Variants in SH2D3A observed in about 807,000 individuals in gnomAD.
SH2D3A encodes the protein SH2 domain containing 3A, also known as SH2 domain-containing protein 3A.
Under a neutral mutation model 50.6 loss-of-function variants are expected in SH2D3A, and 46 were observed. The ratio of observed to expected loss-of-function variants is 0.91; its 90% confidence interval spans 0.72 to 1.16. The LOEUF (loss-of-function observed/expected upper bound fraction) is 1.16, where lower values mean the gene tolerates loss of function less well. SH2D3A is among the 50% of genes most tolerant of loss of function. SH2D3A has a pLI of 0.00. For missense variants in SH2D3A, 783 were observed against 786.2 expected (o/e 1.00, Z 0.05); for synonymous variants, 377 against 348.4 (o/e 1.08, Z -0.91).
rs771694820 is a variant in SH2D3A at position 6,754,143 on chromosome 19, C to T, written c.1293G>A (p.Thr431=). The change falls in exon 8 of 10, where the codon ACG becomes ACA. Residue 431 remains threonine (T), a synonymous_variant. Coordinates refer to ENST00000245908, the MANE Select transcript of SH2D3A (RefSeq NM_005490.3). ...TGTGGCTCCTTCGGAGCTGGCGCCA[C>T]GTGTGCTCCAACCGGGACACCTGGG... ...LMPQVSRLEH[T]WRQLRRSHTE... 6.8e-6 allele frequency: 11 copies of T among 1,613,364 alleles called. No individual in the cohort carries two copies. The highest frequency in any genetic ancestry group is 9.3e-6 in the Non-Finnish European group (11 of 1,179,778).
At chr19:6,760,584 G>T in intron 3 of SH2D3A, 54 bp downstream of exon 3, 2 of 1,406,130 alleles carry the variant, frequency 1.4e-6, no homozygotes, top group Non-Finnish European at 9.5e-7. Context: ...CCATTGAGTT[G>T]GAAAACCCTG....
chr19:6,754,471 T>C, intron 6 of SH2D3A, 46 bp from the exon 7 acceptor site: 1 of 1,533,316 alleles, frequency 6.5e-7, no homozygotes, highest in Non-Finnish European at 8.7e-7. Context: ...GGGAGGTTTG[T>C]AATGCAGGGG....
At position 6,760,715 on chromosome 19, in the gene SH2D3A, C is replaced by T; in HGVS notation, c.342G>A (p.Val114=). The T allele has an allele frequency of 6.2e-7, 1 of 1,613,928 alleles. No homozygotes were observed. The highest frequency in any genetic ancestry group is 8.5e-7 in the Non-Finnish European group (1 of 1,179,814). Residue 114 remains valine (V), a synonymous_variant, in exon 3 of 10, where the codon GTG becomes GTA. Coordinates refer to ENST00000245908, the MANE Select transcript of SH2D3A (RefSeq NM_005490.3). ...QATGAVVSRP[V]TWQGPLRRSF... ...TGCGTCGCAGAGGCCCCTGCCAAGT[C>T]ACAGGCCTGGAGACCACAGCCCCTG...
At position 6,763,825 on chromosome 19, in the gene SH2D3A, G is replaced by A; in HGVS notation, c.-68-9C>T. On this transcript the variant is annotated splice_polypyrimidine_tract_variant and intron_variant, in intron 1 of 9. Coordinates refer to ENST00000245908, the MANE Select transcript of SH2D3A (RefSeq NM_005490.3). ...GCCTCAGTCTTCCACATCTGTAAAA[G>A]GGGAATAATTAGCCCTGCTTGAGTG... 1.6e-6 allele frequency: 2 copies of A among 1,220,734 alleles called. No homozygotes were observed. The highest frequency in any genetic ancestry group is 2.4e-6 in the Non-Finnish European group (2 of 849,874). 75.6% of individuals were successfully genotyped at this position (1,220,734 alleles called of 1,614,324 possible).
intron 4 of SH2D3A, among the ~76,000 whole-genome samples, chr19:6,756,444 CT>C (rs1227661634): frequency 6.7e-6 from 1 of 150,300 alleles, no homozygotes; most frequent in Non-Finnish European, 1.5e-5. Context: ...TCTTTTTTTT[CT>C]TTTTTATTTC....
chr19:6,759,718 TC>T, intron 3 of SH2D3A, 48 bp from the exon 4 acceptor site: 1 of 1,574,524 alleles, frequency 6.4e-7, no homozygotes, highest in Non-Finnish European at 8.7e-7. Context: ...CTAAGCAGTG[TC>T]CCCCACCAAT....
Position 6,753,585 on chromosome 19 carries a change from G to A in SH2D3A, c.1441C>T (p.Leu481=), listed in dbSNP as rs910291703. 5 of 1,589,734 alleles carry A rather than the reference G, an allele frequency of 3.1e-6. No individual in the cohort carries two copies. The highest frequency in any genetic ancestry group is 1.3e-5 in the African/African-American group (1 of 74,580). Residue 481 remains leucine (L), a synonymous_variant, in exon 9 of 10, where the codon CTG becomes TTG. Coordinates refer to ENST00000245908, the MANE Select transcript of SH2D3A (RefSeq NM_005490.3). ...LPHVAPMVRL[L]EGEEVAGPLD... is the part of the protein sequence containing the mutation. ...GGCCCCGCGACTTCCTCGCCCTCCA[G>A]TAGGCGAACCATGGGTGCCACGTGC... is the stretch of plus-strand genomic sequence containing the variant.
intron 1 of SH2D3A, among the ~76,000 whole-genome samples, chr19:6,765,180 T>A (rs1970243453): frequency 6.6e-6 from 1 of 151,762 alleles, no homozygotes; most frequent in South Asian, 2.1e-4. Context: ...TGCGTCTGGC[T>A]GTGCCTGGCT....
chr19:6,752,526 C>T lies in SH2D3A; in HGVS notation c.*67G>A. Reference sequence around the variant, plus strand: ...GAGGCGCGAGGAGCCTGGGACGACTCCTTTGGTCTCTTCTGGGGTTCGCAA... The same window carrying T: ...GAGGCGCGAGGAGCCTGGGACGACTTCTTTGGTCTCTTCTGGGGTTCGCAA... On this transcript the variant is annotated 3_prime_UTR_variant, in exon 10 of 10. Transcript: ENST00000245908. The T allele has an allele frequency of 1.4e-6, 2 of 1,392,624 alleles. No homozygotes were observed. The highest frequency in any genetic ancestry group is 9.5e-7 in the Non-Finnish European group (1 of 1,056,268). 86.3% of individuals were successfully genotyped at this position (1,392,624 alleles called of 1,614,324 possible).
chr19:6,764,489 C>T (rs545036414), intron 1 of SH2D3A: 1 of 152,206 alleles, frequency 6.6e-6, no homozygotes, highest in Non-Finnish European at 1.5e-5. Flanking sequence ...TTCACTGAAC[C>T]CCTATTTATT....
At position 6,754,897 on chromosome 19, in the gene SH2D3A, G is replaced by A. The variant is rs1969562296; in HGVS notation, c.915C>T (p.Leu305=). The A allele has an allele frequency of 6.2e-7, 1 of 1,606,474 alleles. No homozygotes were observed. Among genetic ancestry groups the A allele is most frequent in the East Asian group, 2.2e-5 (1 of 44,792 alleles). The change falls in exon 5 of 10, where the codon CTC becomes CTT. Residue 305 remains leucine (L), a synonymous_variant. Transcript: ENST00000245908. The part of the protein sequence containing the change: ...RPLEPQVLHT[L]RGLFLEHHPG... Reference sequence around the variant, plus strand: ...GATGGTGCTCCAGGAACAGGCCACGGAGGGTATGCAGGACTTGGGGTTCCA... The same window carrying A: ...GATGGTGCTCCAGGAACAGGCCACGAAGGGTATGCAGGACTTGGGGTTCCA...
At chr19:6,760,591 C>G in intron 3 of SH2D3A, 47 bp downstream of exon 3, 1 of 1,445,170 alleles carries the variant, frequency 6.9e-7, no homozygotes, top group Admixed American at 2.7e-5. Context: ...GTTGGAAAAC[C>G]CTGCGAGTGT....
chr19:6,754,952 G>C lies in SH2D3A; in HGVS notation c.860C>G (p.Ser287Cys). 1 of 1,613,992 alleles carries C rather than the reference G, an allele frequency of 6.2e-7. No individual in the cohort carries two copies. Among genetic ancestry groups the C allele is most frequent in the African/African-American group, 1.3e-5 (1 of 75,010 alleles). Residue 287 changes from serine (S) to cysteine (C), a missense_variant, in exon 5 of 10, where the codon TCC (serine) becomes TGC (cysteine). Physicochemically the swap from Ser to Cys is moderately radical, Grantham distance 112 (BLOSUM62 -1). Coordinates refer to ENST00000245908, the MANE Select transcript of SH2D3A (RefSeq NM_005490.3). ...CCGATTCTGGGGGCCCAGCAGGCAG[G>C]AGGGGGCATCATGGGGGCAGAAAGA... is the stretch of plus-strand genomic sequence containing the variant. ...EISFCPHDAP[S>C]CLLGPQNRPL...
chr19:6,753,779 G>A (rs1031881328), intron 8 of SH2D3A, 138 bp from the exon 9 acceptor site: 36 of 1,006,386 alleles, frequency 3.6e-5, no homozygotes, highest in Non-Finnish European at 4.6e-5. Flanking sequence ...AGGACCACAC[G>A]CCCCGTATGG....
At position 6,753,482 on chromosome 19, in the gene SH2D3A, C is replaced by T; in HGVS notation, c.1544G>A (p.Arg515His). Reference sequence around the variant, plus strand: ...TCGCAGGCGCTGGGCTGCCACCTTGCGGAATTTGGGTGCGTCCCGGACCAT... The same window carrying T: ...TCGCAGGCGCTGGGCTGCCACCTTGTGGAATTTGGGTGCGTCCCGGACCAT... ...RHMVRDAPKF[R>H]KVAAQRLRGF... is the part of the protein sequence containing the mutation. The change falls in exon 9 of 10, where the codon CGC (arginine) becomes CAC (histidine). Residue 515 changes from arginine to histidine, a missense_variant. Physicochemically the swap from Arg to His is conservative, Grantham distance 29 (BLOSUM62 0). Coordinates refer to ENST00000245908, the MANE Select transcript of SH2D3A (RefSeq NM_005490.3). 1 of 1,526,876 alleles carries T rather than the reference C, an allele frequency of 6.5e-7. No individual in the cohort carries two copies. The highest frequency in any genetic ancestry group is 8.8e-7 in the Non-Finnish European group (1 of 1,131,914). The allele number at this position is 1,526,876 out of a possible 1,614,324, so 94.6% of individuals were successfully genotyped here. A position where few individuals can be genotyped will look rare whatever the true frequency, so the allele number is the denominator to read the frequency against.
chr19:6,754,347 C>A lies in SH2D3A; in HGVS notation c.1176G>T (p.Leu392=). The A allele has an allele frequency of 6.4e-7, 1 of 1,574,592 alleles. No homozygotes were observed. The highest frequency in any genetic ancestry group is 8.6e-7 in the Non-Finnish European group (1 of 1,166,860). ...SGPLEERAAA[L]RGLVELALAL... The stretch of plus-strand genomic sequence containing the variant: ...CCAGCGCCAGCTCTACCAGTCCCCT[C>A]AGTGCGGCTGCGCGCTCCTCCAGCG... The change falls in exon 7 of 10, where the codon CTG becomes CTT. Residue 392 remains leucine, a synonymous_variant. Coordinates refer to ENST00000245908, the MANE Select transcript of SH2D3A (RefSeq NM_005490.3).
chr19:6,753,413 GGGT>G, intron 9 of SH2D3A, 40 bp downstream of exon 9: 1 of 1,430,018 alleles, frequency 7.0e-7, no homozygotes, highest in South Asian at 1.5e-5. Context: ...AGAACCTGCA[GGGT>G]GCTCTGAAGT....
At chr19:6,762,502 C>CTTTTTT (rs35272482) in intron 2 of SH2D3A, among the ~76,000 whole-genome samples, 1 of 98,826 alleles carries the variant, frequency 1.0e-5, no homozygotes. Context: ...TTCTTCCGGC[C>CTTTTTT]TTTTTTTTTT....
intron 3 of SH2D3A, 28 bp from the exon 4 acceptor site, chr19:6,759,698 T>C (rs1969900514): frequency 6.2e-7 from 1 of 1,608,780 alleles, no homozygotes; most frequent in African/African-American, 1.3e-5. Flanking sequence ...GAGAAACCTG[T>C]AGTCCCCACC....
Sources: gnomAD v4.1 joint callset for allele counts (sites outside exome capture counted in the v4.1 genomes callset) on GRCh38, gnomAD v4.1.1 for gene constraint, MANE v1.5 for transcripts, NCBI Gene and HGNC (gene_info 2026-07-23, HGNC 2026-07-21) for gene names.